GPHN: variants seen among roughly 807,000 people sequenced by gnomAD.
GPHN encodes gephyrin.
GPHN carries 17 observed loss-of-function variants against 95.5 expected under a neutral mutation model. The ratio of observed to expected loss-of-function variants is 0.18; its 90% confidence interval spans 0.12 to 0.27. GPHN has a LOEUF of 0.27. Among genes scored for constraint, GPHN ranks in the 10% least tolerant of loss-of-function variants. GPHN has a pLI of 1.00. For missense variants in GPHN, 660 were observed against 978.1 expected, an observed-to-expected ratio of 0.67 and a Z score of 4.34; for synonymous variants, 320 against 322.5, an observed-to-expected ratio of 0.99 and a Z score of 0.08.
chr14:66,920,739 C>G (rs990235801), intron 6 of GPHN, among the ~76,000 whole-genome samples: 3 of 150,892 alleles, frequency 2.0e-5, no homozygotes, highest in African/African-American at 7.3e-5. Context: ...CCCCTCACCC[C>G]CCACACTCTT....
At chr14:67,554,292 AAG>A in the GPHN span, among the ~76,000 whole-genome samples, 1 of 152,134 alleles carries the variant, frequency 6.6e-6, no homozygotes. Flanking sequence ...GAGATTGGGA[AAG>A]AGAGAAGGAT....
chr14:67,242,409 TTGAC>T, the GPHN span, among the ~76,000 whole-genome samples: 5 of 152,204 alleles, frequency 3.3e-5, no homozygotes, highest in African/African-American at 4.8e-5. Context: ...AAATTTTGAT[TTGAC>T]TGACGCAGTG....
intron 1 of GPHN, among the ~76,000 whole-genome samples, chr14:66,631,318 A>T (rs947642122): frequency 3.9e-5 from 6 of 152,166 alleles, no homozygotes; most frequent in Admixed American, 3.3e-4. Flanking sequence ...AAGTGCTGGG[A>T]TTACAGGCAT....
chr14:67,350,813 T>C, the GPHN span: 1 of 907,298 alleles, frequency 1.1e-6, no homozygotes, highest in Non-Finnish European at 1.6e-6. Context: ...AATATTGGTT[T>C]GATAACGACA....
the GPHN span, among the ~76,000 whole-genome samples, chr14:67,282,995 C>T: frequency 1.3e-5 from 2 of 152,036 alleles, no homozygotes; most frequent in Non-Finnish European, 2.9e-5. Context: ...TGACTGCCAT[C>T]TATCATATAT....
chr14:67,619,302 C>T, the GPHN span, among the ~76,000 whole-genome samples: 1 of 152,172 alleles, frequency 6.6e-6, no homozygotes, highest in Non-Finnish European at 1.5e-5. Context: ...TTAAAAACAT[C>T]TAAAAGGTAA....
At chr14:66,629,997 T>C (rs1409562076) in intron 1 of GPHN, among the ~76,000 whole-genome samples, 1 of 152,184 alleles carries the variant, frequency 6.6e-6, no homozygotes, top group Non-Finnish European at 1.5e-5. Context: ...AACATTAGCA[T>C]GTTATTTTAA....
the GPHN span, chr14:67,320,390 A>G: frequency 8.7e-6 from 14 of 1,600,442 alleles, no homozygotes; most frequent in Non-Finnish European, 1.2e-5. Context: ...TTGCATCTGC[A>G]GTTCCTCGTA....
chr14:67,277,379 C>T, the GPHN span, among the ~76,000 whole-genome samples: 2 of 152,076 alleles, frequency 1.3e-5, no homozygotes, highest in Non-Finnish European at 2.9e-5. Flanking sequence ...TAGTGGTTTT[C>T]CTGATAGCCT....
chr14:66,830,925 T>C (rs1337612450), intron 4 of GPHN, among the ~76,000 whole-genome samples: 1 of 152,136 alleles, frequency 6.6e-6, no homozygotes. Context: ...AATATATGTA[T>C]TTCATAATTT....
At chr14:67,086,865 C>G (rs964906063) in intron 11 of GPHN, among the ~76,000 whole-genome samples, 4 of 150,656 alleles carry the variant, frequency 2.7e-5, no homozygotes, top group Non-Finnish European at 5.9e-5. Context: ...GGTGAAACCC[C>G]ATCTCTACTA....
chr14:67,310,922 T>A, the GPHN span, among the ~76,000 whole-genome samples: 2 of 152,200 alleles, frequency 1.3e-5, no homozygotes, highest in African/African-American at 2.4e-5. Context: ...TTAGTCAGTG[T>A]CTCAAGTGCT....
the GPHN span, chr14:67,726,108 C>T: frequency 6.2e-7 from 1 of 1,614,022 alleles, no homozygotes; most frequent in Non-Finnish European, 8.5e-7. Context: ...TGTCCATATT[C>T]CAAGACAGCT....
At chr14:66,668,997 C>T (rs2066139432) in intron 1 of GPHN, among the ~76,000 whole-genome samples, 1 of 151,542 alleles carries the variant, frequency 6.6e-6, no homozygotes, top group African/African-American at 2.4e-5. Context: ...TCTCCTACCT[C>T]AGCCTCCTGA....
chr14:67,505,706 TG>T, the GPHN span, among the ~76,000 whole-genome samples: 28,259 of 151,206 alleles, frequency 0.19, 2,797 homozygotes, highest in Non-Finnish European at 0.21. Context: ...GAGGATAATT[TG>T]CTCTTTTTTT....
chr14:66,650,539 G>A (rs555136443), intron 1 of GPHN, among the ~76,000 whole-genome samples: 6 of 152,240 alleles, frequency 3.9e-5, no homozygotes, highest in Admixed American at 2.6e-4. Flanking sequence ...CTAACTAGAC[G>A]AATCAATGAA....
chr14:66,732,554 TC>T (rs1851958885), intron 2 of GPHN, among the ~76,000 whole-genome samples: 1 of 152,240 alleles, frequency 6.6e-6, no homozygotes, highest in Non-Finnish European at 1.5e-5. Context: ...TGTTGCTCTT[TC>T]GCCCAGGCTG....
At chr14:67,025,071 G>A (rs2153627493) in intron 10 of GPHN, among the ~76,000 whole-genome samples, 1 of 152,196 alleles carries the variant, frequency 6.6e-6, no homozygotes, top group South Asian at 2.1e-4. Flanking sequence ...TTGTTACAGT[G>A]AGATAAGTCT....
the GPHN span, among the ~76,000 whole-genome samples, chr14:67,248,876 T>C: frequency 6.6e-6 from 1 of 152,168 alleles, no homozygotes; most frequent in East Asian, 1.9e-4. Flanking sequence ...CTCAGGCTGG[T>C]CTCGAACTCC....
Sources: allele counts gnomAD v4.1 joint callset (sites outside exome capture counted in the v4.1 genomes callset), GRCh38; gene constraint gnomAD v4.1.1; transcripts MANE v1.5; gene names NCBI Gene and HGNC (gene_info 2026-07-23, HGNC 2026-07-21).